Variants in ELAPOR2 observed in about 807,000 individuals in gnomAD.
ELAPOR2 encodes endosome-lysosome associated apoptosis and autophagy regulator family member 2.
A neutral mutation model predicts 120.7 loss-of-function variants in ELAPOR2; 89 were observed. The observed-to-expected ratio is 0.74, with a 90% CI of 0.62 to 0.88. The LOEUF is 0.88. ELAPOR2 is among the 40% of genes least tolerant of loss of function. The pLI is 0.00. For missense variants in ELAPOR2, 1,134 were observed against 1,251.6 expected (o/e 0.91, Z 1.42); for synonymous variants, 444 against 444.9 (o/e 1.00, Z 0.03).
chr7:87,043,992 A>G (rs1023561479), intron 1 of ELAPOR2, among the ~76,000 whole-genome samples: 9 of 149,380 alleles, frequency 6.0e-5, no homozygotes, highest in African/African-American at 2.2e-4. Flanking sequence ...ATCATGAGTG[A>G]ACTCCCATTC....
chr7:87,036,071 T>C (rs1283844190), intron 1 of ELAPOR2, among the ~76,000 whole-genome samples: 1 of 152,228 alleles, frequency 6.6e-6, no homozygotes, highest in African/African-American at 2.4e-5. Flanking sequence ...TAGCATCACA[T>C]ACATTAATAA....
chr7:86,972,238 T>G (rs1365153754), intron 1 of ELAPOR2, among the ~76,000 whole-genome samples: 1 of 152,122 alleles, frequency 6.6e-6, no homozygotes, highest in Admixed American at 6.6e-5. Flanking sequence ...AGCTTGGTTG[T>G]ATCGCTCATC....
chr7:87,037,825 G>A (rs1355619773), intron 1 of ELAPOR2, among the ~76,000 whole-genome samples: 1 of 152,138 alleles, frequency 6.6e-6, no homozygotes, highest in Non-Finnish European at 1.5e-5. Context: ...TGACTGAGAT[G>A]TGGTGGTCTC....
rs760772465 is a variant in ELAPOR2, at chr7:86,880,446, G to A, written c.*25C>T. The A allele has an allele frequency of 3.2e-6, 5 of 1,563,432 alleles. No homozygotes were observed. The highest frequency in any genetic ancestry group is 1.7e-5 in the Admixed American group (1 of 59,736). On this transcript the variant is annotated 3_prime_UTR_variant, in exon 22 of 22. Transcript: ENST00000450689. ...CTAGAGCAGGTTTCTTTGTTCATTA[G>A]TCTCAAGGCTACAGCACTGTCTCTT... is the stretch of plus-strand genomic sequence containing the variant.
chr7:86,962,915 C>T (rs1791772327), intron 2 of ELAPOR2, among the ~76,000 whole-genome samples: 1 of 152,174 alleles, frequency 6.6e-6, no homozygotes, highest in African/African-American at 2.4e-5. Context: ...AAGTTATGAA[C>T]TGTGCTTCTA....
chr7:86,930,494 A>G (rs955764103), intron 8 of ELAPOR2, among the ~76,000 whole-genome samples: 3 of 151,960 alleles, frequency 2.0e-5, no homozygotes, highest in Admixed American at 1.3e-4. Flanking sequence ...TTGTCCTGCT[A>G]TATAATTTAG....
intron 1 of ELAPOR2, among the ~76,000 whole-genome samples, chr7:87,000,216 G>A (rs555235317): frequency 2.0e-5 from 3 of 152,138 alleles, no homozygotes; most frequent in South Asian, 2.1e-4. Context: ...AAAAGGAGAC[G>A]TATGCAAATT....
At chr7:86,938,004 A>G (rs1790637481) in intron 8 of ELAPOR2, 122 bp downstream of exon 8, 5 of 702,310 alleles carry the variant, frequency 7.1e-6, no homozygotes, top group Admixed American at 2.7e-5. Context: ...AAACTCTAAA[A>G]TTTCCTCTTT....
At chr7:86,923,156 CT>C (rs1207092787) in intron 10 of ELAPOR2, among the ~76,000 whole-genome samples, 9 of 151,832 alleles carry the variant, frequency 5.9e-5, no homozygotes, top group African/African-American at 1.9e-4. Flanking sequence ...AATATTACCC[CT>C]TTGAGGTAAA....
chr7:87,035,206 T>TCAGGGG (rs1794549777), intron 1 of ELAPOR2, among the ~76,000 whole-genome samples: 1 of 152,218 alleles, frequency 6.6e-6, no homozygotes, highest in Non-Finnish European at 1.5e-5. Flanking sequence ...GAACTGCCCC[T>TCAGGGG]TAAATCCAGC....
chr7:86,975,207 T>A (rs1792244342), intron 1 of ELAPOR2, among the ~76,000 whole-genome samples: 1 of 152,112 alleles, frequency 6.6e-6, no homozygotes, highest in African/African-American at 2.4e-5. Flanking sequence ...AGAAAAAAAA[T>A]TATAAAAATT....
intron 1 of ELAPOR2, among the ~76,000 whole-genome samples, chr7:87,000,745 T>C (rs149825720): frequency 6.6e-6 from 1 of 152,302 alleles, no homozygotes; most frequent in East Asian, 1.9e-4. Flanking sequence ...AAACATCATC[T>C]ACTGACCCCT....
At chr7:86,886,614 C>T (rs1799702164) in intron 21 of ELAPOR2, among the ~76,000 whole-genome samples, 1 of 152,146 alleles carries the variant, frequency 6.6e-6, no homozygotes, top group Admixed American at 6.5e-5. Flanking sequence ...GACTCTACAG[C>T]TTGATAGTCC....
At chr7:86,972,041 G>C (rs574797632) in intron 1 of ELAPOR2, among the ~76,000 whole-genome samples, 1 of 152,256 alleles carries the variant, frequency 6.6e-6, no homozygotes, top group Admixed American at 6.5e-5. Flanking sequence ...TTCTCAGAAA[G>C]ATGTAAAAGT....
chr7:86,952,060 T>A (rs1791275341), intron 2 of ELAPOR2, among the ~76,000 whole-genome samples: 1 of 152,148 alleles, frequency 6.6e-6, no homozygotes, highest in African/African-American at 2.4e-5. Flanking sequence ...TTGTTTACAG[T>A]ATGAGAAAAG....
At chr7:86,905,513 G>A (rs529912122) in intron 18 of ELAPOR2, among the ~76,000 whole-genome samples, 4 of 152,116 alleles carry the variant, frequency 2.6e-5, no homozygotes, top group South Asian at 2.1e-4. Context: ...ACTTCAGTGC[G>A]CATCACAACT....
intron 1 of ELAPOR2, among the ~76,000 whole-genome samples, chr7:86,969,909 G>A (rs909673303): frequency 6.6e-6 from 1 of 152,142 alleles, no homozygotes; most frequent in South Asian, 2.1e-4. Context: ...CTGAAATATG[G>A]GAGGATTTGT....
intron 1 of ELAPOR2, among the ~76,000 whole-genome samples, chr7:87,037,019 C>T (rs1317884418): frequency 6.6e-6 from 1 of 152,108 alleles, no homozygotes; most frequent in Non-Finnish European, 1.5e-5. Context: ...TTCCCATCAA[C>T]CTCCAGTCTG....
chr7:86,913,133 C>A lies in ELAPOR2; in HGVS notation c.1803G>T (p.Ala601=). Reference sequence around the variant, plus strand: ...CGAGGGCACAGGCACGGCATGAGGACGCCACCCCATCAACTGCATTAGTGG... The same window carrying A: ...CGAGGGCACAGGCACGGCATGAGGAAGCCACCCCATCAACTGCATTAGTGG... ...ITATNAVDGV[A]SSCRACALGS... Residue 601 remains alanine, a synonymous_variant, in exon 14 of 22, where the codon GCG becomes GCT. Transcript: ENST00000450689. 6.2e-7 allele frequency: 1 copy of A among 1,613,968 alleles called. No individual in the cohort carries two copies. The highest frequency in any genetic ancestry group is 8.5e-7 in the Non-Finnish European group (1 of 1,179,980).
Sources: gnomAD v4.1 joint callset for allele counts (sites outside exome capture counted in the v4.1 genomes callset) on GRCh38, gnomAD v4.1.1 for gene constraint, MANE v1.5 for transcripts, NCBI Gene and HGNC (gene_info 2026-07-23, HGNC 2026-07-21) for gene names.